Variants in ERG observed in about 807,000 individuals in gnomAD.
ERG encodes transcriptional regulator ERG.
A neutral mutation model predicts 55.3 loss-of-function variants in ERG; 9 were observed. The ratio of observed to expected loss-of-function variants is 0.16; its 90% CI spans 0.10 to 0.28. The LOEUF (loss-of-function observed/expected upper bound fraction) is 0.28. Among genes scored for constraint, ERG ranks in the 10% least tolerant of loss-of-function variants. The pLI is 1.00. For missense variants in ERG, 434 were observed against 631.6 expected, an observed-to-expected ratio of 0.69 and a Z score of 3.35; for synonymous variants, 223 against 237.3, an observed-to-expected ratio of 0.94 and a Z score of 0.55.
At chr21:38,416,940 C>T (rs1237454158) in intron 3 of ERG, among the ~76,000 whole-genome samples, 2 of 152,182 alleles carry the variant, frequency 1.3e-5, no homozygotes, top group Non-Finnish European at 2.9e-5. Flanking sequence ...CTTTCGAAAT[C>T]ACATCATCGT....
At chr21:38,549,389 A>G (rs9977835) in intron 2 of ERG, among the ~76,000 whole-genome samples, 76,327 of 150,958 alleles carry the variant, frequency 0.51, 20,480 homozygotes, top group Non-Finnish European at 0.62. Context: ...AGAGATCTAA[A>G]CAGCTAGTTA....
intron 2 of ERG, among the ~76,000 whole-genome samples, chr21:38,441,401 G>A (rs539263232): frequency 8.5e-5 from 13 of 152,318 alleles, no homozygotes; most frequent in East Asian, 1.9e-4. Context: ...CAAAGCCTGC[G>A]GTTTCCAGAG....
At chr21:38,423,644 C>A (rs1989658496) in intron 2 of ERG, 83 bp from the exon 3 acceptor site, 1 of 1,409,998 alleles carries the variant, frequency 7.1e-7, no homozygotes, top group Non-Finnish European at 9.7e-7. Flanking sequence ...ACAGAGAGAA[C>A]CAAAGAAGGG....
intron 1 of ERG, among the ~76,000 whole-genome samples, chr21:38,643,932 C>A (rs2060440673): frequency 6.6e-6 from 1 of 152,234 alleles, no homozygotes; most frequent in Non-Finnish European, 1.5e-5. Flanking sequence ...CAAGTGCCCA[C>A]AGACACCATC....
intron 1 of ERG, chr21:38,450,824 AT>A (rs551199594): frequency 1.3e-4 from 58 of 438,404 alleles, no homozygotes; most frequent in South Asian, 9.2e-4. Context: ...ATAATGGGAC[AT>A]TTTATATCCA....
At chr21:38,507,535 T>TG (rs2059472474) in intron 2 of ERG, among the ~76,000 whole-genome samples, 1 of 5,114 alleles carries the variant, frequency 2.0e-4, no homozygotes, top group African/African-American at 5.5e-4. Context: ...ACTGAATGAG[T>TG]GAATGAATGA....
intron 2 of ERG, among the ~76,000 whole-genome samples, chr21:38,534,552 T>TA (rs140345128): frequency 0.38 from 57,969 of 151,540 alleles, 12,560 homozygotes; most frequent in Non-Finnish European, 0.49. Context: ...CTATGAAATA[T>TA]AAAAAAAATT....
chr21:38,542,480 A>G (rs1251400183), intron 2 of ERG, among the ~76,000 whole-genome samples: 1 of 152,216 alleles, frequency 6.6e-6, no homozygotes, highest in Non-Finnish European at 1.5e-5. Context: ...CATCATGACC[A>G]TGTCAGGCTT....
chr21:38,540,554 A>T (rs1179548611), intron 2 of ERG, among the ~76,000 whole-genome samples: 1 of 152,176 alleles, frequency 6.6e-6, no homozygotes, highest in Non-Finnish European at 1.5e-5. Flanking sequence ...AGGCCATGAG[A>T]TGATAAGAAC....
intron 1 of ERG, among the ~76,000 whole-genome samples, chr21:38,452,012 GC>G (rs1389591950): frequency 1.3e-5 from 2 of 152,198 alleles, no homozygotes; most frequent in Non-Finnish European, 2.9e-5. Context: ...GCAGCATCTA[GC>G]TTTGTGTTCA....
Position 38,381,663 on chromosome 21 carries a change from A to C in ERG, c.*1740T>G. The stretch of plus-strand genomic sequence containing the variant: ...GTGGTAGCTTGTTCACTGTTCAACA[A>C]ATGTATTTTAATCATAGCAGGAATT... On this transcript the variant is annotated 3_prime_UTR_variant, in exon 10 of 10. Coordinates refer to ENST00000288319, the MANE Select transcript of ERG (RefSeq NM_182918.4). 1 of 1,063,542 alleles carries C rather than the reference A, an allele frequency of 9.4e-7. No individual in the cohort carries two copies. The highest frequency in any genetic ancestry group is 5.0e-5 in the East Asian group (1 of 19,804). The allele number at this position is 1,063,542 out of a possible 1,614,324, so 65.9% of individuals were successfully genotyped here.
intron 2 of ERG, among the ~76,000 whole-genome samples, chr21:38,426,629 T>C (rs768871592): frequency 1.4e-4 from 21 of 152,062 alleles, no homozygotes; most frequent in Non-Finnish European, 2.2e-4. Context: ...ATCAAAGAGA[T>C]GTATAAAATT....
chr21:38,555,003 C>CA (rs993907799), intron 2 of ERG, among the ~76,000 whole-genome samples: 122 of 150,402 alleles, frequency 8.1e-4, no homozygotes, highest in African/African-American at 2.5e-3. Context: ...AAAGAATTCA[C>CA]AAAAAAAAAT....
chr21:38,431,995 A>G (rs1023187108), intron 2 of ERG, among the ~76,000 whole-genome samples: 2 of 152,208 alleles, frequency 1.3e-5, no homozygotes, highest in Non-Finnish European at 2.9e-5. Context: ...CAATGCAAAA[A>G]CATGAAAAAA....
intron 2 of ERG, among the ~76,000 whole-genome samples, chr21:38,563,638 C>T (rs1425036203): frequency 6.6e-6 from 1 of 152,234 alleles, no homozygotes; most frequent in Non-Finnish European, 1.5e-5. Context: ...GTCCCTGAAT[C>T]ACTCTTGTTT....
intron 1 of ERG, among the ~76,000 whole-genome samples, chr21:38,464,331 C>G (rs1391373360): frequency 6.6e-6 from 1 of 152,150 alleles, no homozygotes; most frequent in African/African-American, 2.4e-5. Flanking sequence ...ACACATCCAT[C>G]CGTAGTCCCA....
chr21:38,592,935 C>G (rs2060109735), intron 1 of ERG, among the ~76,000 whole-genome samples: 1 of 152,192 alleles, frequency 6.6e-6, no homozygotes, highest in South Asian at 2.1e-4. Flanking sequence ...CAACCTTTCT[C>G]CCCAGTGCGT....
Position 38,547,747 on chromosome 21 carries a change from C to A in ERG, c.-41+27915G>T, listed in dbSNP as rs575587779. On this transcript the variant is annotated intron_variant, in intron 2 of 8. Transcript: ENST00000398897. ...GAAAGATAAAATGATGCCCTTAGCCCAGTCAGAAATACTCTTAACCATCAA... is the reference window on the plus strand; with the variant it reads ...GAAAGATAAAATGATGCCCTTAGCCAAGTCAGAAATACTCTTAACCATCAA... 3.3e-5 allele frequency among the ~76,000 whole-genome samples: 5 copies of A among 152,232 alleles called. No individual in the cohort carries two copies. In the South Asian group the frequency reaches 1.0e-3, roughly 32 times the overall value.
intron 1 of ERG, among the ~76,000 whole-genome samples, chr21:38,617,277 G>T (rs970252498): frequency 2.6e-5 from 4 of 152,098 alleles, no homozygotes; most frequent in Non-Finnish European, 4.4e-5. Context: ...CTGCTCATGG[G>T]GAAACACACC....
Sources: allele counts gnomAD v4.1 joint callset (sites outside exome capture counted in the v4.1 genomes callset), GRCh38; gene constraint gnomAD v4.1.1; transcripts MANE v1.5; gene names NCBI Gene and HGNC (gene_info 2026-07-23, HGNC 2026-07-21).